The following COL5A1 variants were observed in gnomAD, a reference collection of about 807,000 sequenced individuals.
The protein encoded by COL5A1 is collagen alpha-1(V) chain.
Under a neutral mutation model 263.7 loss-of-function variants are expected in COL5A1, and 16 were observed. The ratio of observed to expected loss-of-function variants is 0.06; its 90% CI spans 0.04 to 0.09. The LOEUF is 0.09. Ranked by LOEUF, COL5A1 falls within the 10% of genes least tolerant of loss-of-function variation. The pLI is 1.00. For missense variants in COL5A1, 2,036 were observed against 2,540.5 expected (o/e 0.80, Z 4.27); for synonymous variants, 1,012 against 1,004.5 (o/e 1.01, Z -0.14).
At chr9:134,659,923 AG>A (rs1448441900) in intron 1 of COL5A1, among the ~76,000 whole-genome samples, 7 of 152,144 alleles carry the variant, frequency 4.6e-5, no homozygotes, top group African/African-American at 7.2e-5. Context: ...ATCGCCAGGT[AG>A]GTGCTGCCTG....
chr9:134,679,155 C>G (rs1312288624), intron 1 of COL5A1, among the ~76,000 whole-genome samples: 1 of 151,992 alleles, frequency 6.6e-6, no homozygotes, highest in Admixed American at 6.5e-5. Flanking sequence ...TCTGGGCCTC[C>G]TTGTCTTGTG....
chr9:134,654,105 A>AGTGTGTAGGGCTTAGG (rs1564367257), intron 1 of COL5A1, among the ~76,000 whole-genome samples: 22 of 12,676 alleles, frequency 1.7e-3, no homozygotes, highest in Non-Finnish European at 2.5e-3. Context: ...TAGGACTGGG[A>AGTGTGTAGGGCTTAGG]GTGTGTAGGG....
At chr9:134,817,493 G>A (rs1485573909) in intron 53 of COL5A1, among the ~76,000 whole-genome samples, 5 of 152,276 alleles carry the variant, frequency 3.3e-5, no homozygotes, top group African/African-American at 1.2e-4. Flanking sequence ...CACACAACTC[G>A]CGGCGTGCAC....
At chr9:134,645,832 G>A (rs1024849418) in intron 1 of COL5A1, among the ~76,000 whole-genome samples, 1 of 152,232 alleles carries the variant, frequency 6.6e-6, no homozygotes, top group Admixed American at 6.5e-5. Flanking sequence ...GAAGGCCAGG[G>A]CCCTGAGCTA....
chr9:134,731,605 G>T lies in COL5A1; in HGVS notation c.1274G>T (p.Ser425Ile). The T allele has an allele frequency of 6.2e-7, 1 of 1,614,168 alleles. No individual in the cohort carries two copies. The highest frequency in any genetic ancestry group is 8.5e-7 in the Non-Finnish European group (1 of 1,180,024). The change falls in exon 8 of 66, where the codon AGC becomes ATC. Residue 425 changes from serine (S) to isoleucine (I), a missense_variant. By Grantham distance (142) the Ser-to-Ile change is moderately radical. This residue lies in a region of COL5A1 where 600 missense variants were observed against 634.5 expected (regional missense o/e 0.95). Transcript: ENST00000371817. ...TACGACCCCTACTACGACCCCACCA[G>T]CTCCCCGTCGGAGATCGGGCCGGGA... ...NYYDPYYDPT[S>I]SPSEIGPGMP...
chr9:134,811,842 TGA>T (rs1185644199), intron 46 of COL5A1, among the ~76,000 whole-genome samples: 1 of 152,172 alleles, frequency 6.6e-6, no homozygotes, highest in Non-Finnish European at 1.5e-5. Context: ...TGATGATTCG[TGA>T]GAAACATAGT....
At chr9:134,795,053 T>C (rs1837846293) in intron 32 of COL5A1, 29 bp from the exon 33 acceptor site, 1 of 1,612,340 alleles carries the variant, frequency 6.2e-7, no homozygotes, top group Non-Finnish European at 8.5e-7. Flanking sequence ...ATTTAGAGAG[T>C]GACTGACCAG....
intron 37 of COL5A1, among the ~76,000 whole-genome samples, chr9:134,798,742 A>G (rs1370855989): frequency 6.6e-6 from 1 of 152,242 alleles, no homozygotes; most frequent in Non-Finnish European, 1.5e-5. Context: ...AACTTTGGTG[A>G]GAGGCCACAT....
In COL5A1 at chr9:134,834,990, A is replaced by T; in HGVS notation, c.5156A>T (p.Glu1719Val). Residue 1719 changes from glutamate to valine, a missense_variant, in exon 65 of 66, where the codon GAG (glutamate) becomes GTG (valine). Glu to Val is a moderately radical substitution (Grantham distance 121). Transcript: ENST00000371817. Reference protein sequence around the residue: ...RGKLLSYVDAEGNPVGVVQMT... With the variant: ...RGKLLSYVDAVGNPVGVVQMT... The stretch of plus-strand genomic sequence containing the variant: ...CCCCAGCTCTCCTATGTGGACGCCG[A>T]GGGCAACCCTGTGGGTGTGGTACAG... 1 of 1,613,524 alleles carries T rather than the reference A, an allele frequency of 6.2e-7. No homozygotes were observed. The highest frequency in any genetic ancestry group is 8.5e-7 in the Non-Finnish European group (1 of 1,179,960).
At chr9:134,774,552 A>G (rs183614185) in intron 26 of COL5A1, among the ~76,000 whole-genome samples, 16 of 152,314 alleles carry the variant, frequency 1.1e-4, no homozygotes, top group Admixed American at 1.0e-3. Context: ...CAGAGCTCCA[A>G]CGCTGACCTT....
rs146153582 is a variant in COL5A1 at position 134,676,480 on chromosome 9, T to C, written c.110-14432T>C. 3.2e-3 allele frequency among the ~76,000 whole-genome samples: 482 copies of C among 152,318 alleles called. 13 individuals carry two copies. In the South Asian group the frequency reaches 0.066, roughly 21 times the overall value. ...CTTTGTTTTCAGTTCTTTGCTGCTG[T>C]GAGCAAGCCTTGGATGTCCTGGCAC... On this transcript the variant is annotated intron_variant, in intron 1 of 65. Coordinates refer to ENST00000371817, the MANE Select transcript of COL5A1 (RefSeq NM_000093.5).
rs992653287 is a variant in COL5A1, at chr9:134,677,971, A to G, written c.110-12941A>G. Among the ~76,000 whole-genome samples, 3 of 152,112 alleles carry G rather than the reference A, an allele frequency of 2.0e-5. No individual in the cohort carries two copies. Among genetic ancestry groups the G allele is most frequent in the African/African-American group, 7.2e-5 (3 of 41,426 alleles). On this transcript the variant is annotated intron_variant, in intron 1 of 65. Transcript: ENST00000371817. This position sits in a 1 kb window ranked among gnomAD's most constrained non-coding sequence, Gnocchi z 4.4. ...CTTGGGTATGGAGGGCCTCCTCTCC[A>G]TGCAAGGCCTCCTATGGTCCTGAAC...
chr9:134,668,954 C>CCCATCCATCCATCCATCCAT (rs760262319), intron 1 of COL5A1, among the ~76,000 whole-genome samples: 14 of 110,396 alleles, frequency 1.3e-4, no homozygotes, highest in South Asian at 7.7e-4. Context: ...CACCCACCCA[C>CCCATCCATCCATCCATCCAT]CCATCCATCC....
At chr9:134,645,536 C>T (rs1564361837) in intron 1 of COL5A1, among the ~76,000 whole-genome samples, 1 of 152,250 alleles carries the variant, frequency 6.6e-6, no homozygotes, top group Non-Finnish European at 1.5e-5. Flanking sequence ...GGTCACGTGA[C>T]GTGGCTCTGG....
chr9:134,730,137 C>T, intron 6 of COL5A1, 99 bp from the exon 7 acceptor site: 1 of 1,551,476 alleles, frequency 6.4e-7, no homozygotes. Context: ...CCAGGCGTTG[C>T]CACTGAGATG....
intron 1 of COL5A1, among the ~76,000 whole-genome samples, chr9:134,654,183 GA>G (rs1343688679): frequency 4.2e-5 from 6 of 144,022 alleles, no homozygotes; most frequent in Admixed American, 6.9e-5. Flanking sequence ...TATAGGGCTG[GA>G]GGTGTGTAGG....
At chr9:134,731,914 C>T (rs1834896807) in intron 8 of COL5A1, among the ~76,000 whole-genome samples, 157 bp from the exon 9 acceptor site, 1 of 152,186 alleles carries the variant, frequency 6.6e-6, no homozygotes, top group African/African-American at 2.4e-5. Flanking sequence ...GTGGGCCTGG[C>T]CTCTGTCACG....
At chr9:134,782,773 C>CG in intron 29 of COL5A1, 53 bp downstream of exon 29, 1 of 777,496 alleles carries the variant, frequency 1.3e-6, no homozygotes, top group Non-Finnish European at 2.2e-6. Flanking sequence ...TGGGCTTGGC[C>CG]GTGTGGGAGG....
chr9:134,747,832 C>CAA (rs1554791359), intron 11 of COL5A1, among the ~76,000 whole-genome samples: 1 of 120,030 alleles, frequency 8.3e-6, no homozygotes, highest in African/African-American at 3.6e-5. Context: ...CGTTCATACA[C>CAA]ATGCAGACAC....
Sources: gnomAD v4.1 joint callset for allele counts (sites outside exome capture counted in the v4.1 genomes callset) on GRCh38, gnomAD v4.1.1 for gene constraint, gnomAD v4.1.1 regional missense constraint, Gnocchi (gnomAD v3.1) non-coding constraint, MANE v1.5 for transcripts, NCBI Gene and HGNC (gene_info 2026-07-23, HGNC 2026-07-21) for gene names.